Variants in CADM2 observed in about 807,000 individuals in gnomAD.
The protein encoded by CADM2 is cell adhesion molecule 2, also known as immunoglobulin superfamily member 4D.
A neutral mutation model predicts 49.8 loss-of-function variants in CADM2; 12 were observed. The observed-to-expected ratio is 0.24, with a 90% confidence interval of 0.15 to 0.39. The LOEUF (loss-of-function observed/expected upper bound fraction) is 0.39, where lower values mean the gene tolerates loss of function less well. CADM2 is among the 10% of genes least tolerant of loss of function. The probability of loss-of-function intolerance (pLI) is 1.00; values close to 1 mark genes in which losing one functional copy is unlikely to be tolerated. For synonymous variants in CADM2, 214 were observed against 175.4 expected (o/e 1.22, Z -1.74); for missense variants, 378 against 492.3 (o/e 0.77, Z 2.20).
intron 8 of CADM2, among the ~76,000 whole-genome samples, chr3:86,051,778 A>T (rs538003174): frequency 2.0e-4 from 31 of 152,232 alleles, no homozygotes; most frequent in Middle Eastern, 3.4e-3. Flanking sequence ...CTTTGAAACA[A>T]TCAGATCTCA....
chr3:85,439,882 C>T (rs1375069471), intron 1 of CADM2, among the ~76,000 whole-genome samples: 1 of 152,090 alleles, frequency 6.6e-6, no homozygotes, highest in Non-Finnish European at 1.5e-5. Context: ...AAAACATCTT[C>T]CTACCTGTAT....
chr3:86,040,236 T>A (rs1185329602), intron 8 of CADM2, among the ~76,000 whole-genome samples: 2 of 152,124 alleles, frequency 1.3e-5, no homozygotes, highest in Non-Finnish European at 2.9e-5. Flanking sequence ...GGACAGAGAA[T>A]GACTTTGAAG....
chr3:85,324,657 T>A (rs145250574), intron 1 of CADM2, among the ~76,000 whole-genome samples: 1 of 152,344 alleles, frequency 6.6e-6, no homozygotes, highest in Non-Finnish European at 1.5e-5. Context: ...TCCACACATA[T>A]TTTAAATGAG....
At chr3:85,123,063 T>A (rs561105034) in intron 1 of CADM2, among the ~76,000 whole-genome samples, 1 of 152,188 alleles carries the variant, frequency 6.6e-6, no homozygotes, top group Non-Finnish European at 1.5e-5. Context: ...ATATATTATC[T>A]TATGTTCCAT....
chr3:86,015,062 A>G, intron 8 of CADM2: 1 of 724,560 alleles, frequency 1.4e-6, no homozygotes, highest in Non-Finnish European at 2.4e-6. Flanking sequence ...CACACGTTAA[A>G]CCCTATACAA....
At chr3:85,851,018 C>G (rs550962999) in intron 3 of CADM2, among the ~76,000 whole-genome samples, 8 of 152,212 alleles carry the variant, frequency 5.3e-5, no homozygotes, top group African/African-American at 1.9e-4. Context: ...GAGTAGTCCT[C>G]TCTTGCACAT....
At chr3:85,489,806 T>TGA (rs60906747) in intron 1 of CADM2, among the ~76,000 whole-genome samples, 6,070 of 143,868 alleles carry the variant, frequency 0.042, 172 homozygotes, top group Middle Eastern at 0.068. Flanking sequence ...TGTGTGTGTG[T>TGA]GAGAGAGAGA....
chr3:85,889,004 A>C (rs1714053767), intron 5 of CADM2, among the ~76,000 whole-genome samples: 1 of 152,118 alleles, frequency 6.6e-6, no homozygotes, highest in African/African-American at 2.4e-5. Context: ...AGGCTAATCA[A>C]ATTCAATTAA....
chr3:85,691,185 T>G (rs1241411345), intron 1 of CADM2, among the ~76,000 whole-genome samples: 1 of 152,208 alleles, frequency 6.6e-6, no homozygotes, highest in East Asian at 1.9e-4. Context: ...ACATTTGTCT[T>G]TCTGTCCCTG....
intron 1 of CADM2, among the ~76,000 whole-genome samples, chr3:85,657,020 C>A (rs1268194482): frequency 1.3e-5 from 2 of 152,170 alleles, no homozygotes; most frequent in Non-Finnish European, 2.9e-5. Flanking sequence ...GTTTATCATG[C>A]AATCCCATTT....
chr3:85,464,924 T>C (rs1007222306), intron 1 of CADM2, among the ~76,000 whole-genome samples: 3 of 152,058 alleles, frequency 2.0e-5, no homozygotes, highest in Admixed American at 6.5e-5. Context: ...CCGAGGTGGG[T>C]GGATCACAAG....
intron 3 of CADM2, among the ~76,000 whole-genome samples, chr3:85,809,720 G>A (rs142850754): frequency 3.6e-4 from 5 of 14,020 alleles, no homozygotes; most frequent in Admixed American, 7.8e-4. Context: ...TCCTTCCTTC[G>A]TTCCTTCCCT....
chr3:85,152,373 C>G (rs140616992), intron 1 of CADM2, among the ~76,000 whole-genome samples: 2 of 152,204 alleles, frequency 1.3e-5, no homozygotes, highest in Non-Finnish European at 2.9e-5. Flanking sequence ...ATGGAAATCT[C>G]CATGTGGACC....
intron 1 of CADM2, among the ~76,000 whole-genome samples, chr3:85,445,048 T>C (rs1008522445): frequency 5.3e-5 from 8 of 152,148 alleles, no homozygotes; most frequent in African/African-American, 1.7e-4. Context: ...TCATAACTAT[T>C]ACTAAATGAG....
At chr3:86,018,944 T>C (rs1387318513) in intron 8 of CADM2, among the ~76,000 whole-genome samples, 17 of 146,834 alleles carry the variant, frequency 1.2e-4, no homozygotes, top group Non-Finnish European at 2.4e-4. Context: ...AGACATGAAG[T>C]CCTTGCCCAT....
intron 1 of CADM2, among the ~76,000 whole-genome samples, chr3:85,043,338 G>T (rs995839391): frequency 6.6e-6 from 1 of 151,752 alleles, no homozygotes. Flanking sequence ...GTTATAGGGT[G>T]CCATGTCCCT....
chr3:85,663,522 C>A (rs539481625), intron 1 of CADM2, among the ~76,000 whole-genome samples: 2 of 152,156 alleles, frequency 1.3e-5, no homozygotes, highest in East Asian at 3.9e-4. Context: ...CCAACACTTT[C>A]TTCCCCCAAC....
At chr3:85,161,778 G>C (rs2040332151) in intron 1 of CADM2, among the ~76,000 whole-genome samples, 1 of 152,154 alleles carries the variant, frequency 6.6e-6, no homozygotes, top group Non-Finnish European at 1.5e-5. Flanking sequence ...AGCACTTTGG[G>C]AGGCCGAGGT....
Position 85,502,626 on chromosome 3 carries a change from A to G in CADM2, c.62-223896A>G, listed in dbSNP as rs73843636. ...AGGAGTGACAGCAGATTTTTAAGTAAGAAAAAAAATGTAGCAGTCTTTCTA... is the reference window on the plus strand; with the variant it reads ...AGGAGTGACAGCAGATTTTTAAGTAGGAAAAAAAATGTAGCAGTCTTTCTA... On this transcript the variant is annotated intron_variant, in intron 1 of 9. Coordinates refer to ENST00000383699, the MANE Select transcript of CADM2 (RefSeq NM_001167675.2). 4.9e-3 allele frequency among the ~76,000 whole-genome samples: 752 copies of G among 152,278 alleles called. 9 individuals are homozygous for G. Among genetic ancestry groups the G allele is most frequent in the African/African-American group, 0.017 (719 of 41,576 alleles).
Sources: gnomAD v4.1 joint callset for allele counts (sites outside exome capture counted in the v4.1 genomes callset) on GRCh38, gnomAD v4.1.1 for gene constraint, MANE v1.5 for transcripts, NCBI Gene and HGNC (gene_info 2026-07-23, HGNC 2026-07-21) for gene names.